CALU: variants seen among roughly 807,000 people sequenced by gnomAD.
The protein encoded by CALU is IEF SSP 9302.
CALU carries 13 observed loss-of-function variants against 37.5 expected under a neutral mutation model. That is an observed-to-expected ratio of 0.35 (90% CI 0.23 to 0.55). The LOEUF (loss-of-function observed/expected upper bound fraction) is 0.55, where lower values mean the gene tolerates loss of function less well. Ranked by LOEUF, CALU falls within the 20% of genes least tolerant of loss-of-function variation. The pLI is 0.89. For missense variants in CALU, 282 were observed against 391.7 expected, an observed-to-expected ratio of 0.72 and a Z score of 2.36; for synonymous variants, 114 against 133.8, an observed-to-expected ratio of 0.85 and a Z score of 1.02.
chr7:128,750,239 AAG>A (rs1563128712), intron 2 of CALU, among the ~76,000 whole-genome samples: 1 of 82,756 alleles, frequency 1.2e-5, no homozygotes, highest in African/African-American at 3.3e-5. Context: ...AAAAAAAAAA[AAG>A]AAAATAGAAA....
chr7:128,747,431 TGCCCCCCAACCCCC>T (rs1800489568), intron 1 of CALU: 1 of 152,360 alleles, frequency 6.6e-6, no homozygotes, highest in Admixed American at 6.5e-5. Flanking sequence ...TGGGAATGAC[TGCCCCCCAACCCCC>T]GCCCCCATTA....
chr7:128,748,845 A>T, intron 2 of CALU, 41 bp downstream of exon 2: 1 of 1,345,324 alleles, frequency 7.4e-7, no homozygotes, highest in African/African-American at 1.4e-5. Flanking sequence ...GGGTAATGAC[A>T]TTCTTTATAA....
chr7:128,767,679 C>T, intron 6 of CALU, 24 bp downstream of exon 6: 25 of 1,590,188 alleles, frequency 1.6e-5, no homozygotes, highest in Non-Finnish European at 2.1e-5. Flanking sequence ...GGCCCACACG[C>T]TCTATCCTTG....
At chr7:128,750,089 G>A (rs2046973) in intron 2 of CALU, among the ~76,000 whole-genome samples, 4 of 151,912 alleles carry the variant, frequency 2.6e-5, no homozygotes, top group Admixed American at 2.0e-4. Flanking sequence ...TTAGCCGGGC[G>A]TGGTGGCGCG....
In CALU at chr7:128,772,533, T is replaced by C; in HGVS notation, c.*3366T>C. 6.2e-7 allele frequency: 1 copy of C among 1,614,170 alleles called. No individual in the cohort carries two copies. Among genetic ancestry groups the C allele is most frequent in the Non-Finnish European group, 8.5e-7 (1 of 1,180,016 alleles). On this transcript the variant is annotated 3_prime_UTR_variant, in exon 7 of 7. Transcript: ENST00000249364. ...CTAGCTGTTGCAAACAGGCCAATAT[T>C]GGGTCCTCAGTTGGGGCCAACTTGG...
At chr7:128,750,252 T>C (rs1157399613) in intron 2 of CALU, among the ~76,000 whole-genome samples, 1 of 147,050 alleles carries the variant, frequency 6.8e-6, no homozygotes, top group Non-Finnish European at 1.5e-5. Context: ...AAAATAGAAA[T>C]GCAGAGGGTA....
intron 3 of CALU, 188 bp downstream of exon 3, chr7:128,754,643 A>G (rs1469371528): frequency 6.4e-7 from 1 of 1,552,270 alleles, no homozygotes; most frequent in Non-Finnish European, 8.7e-7. Flanking sequence ...TTGAAAACCA[A>G]TGGCAGGAGT....
Position 128,771,635 on chromosome 7 carries a change from G to C in CALU, c.*2468G>C, listed in dbSNP as rs1436026750. The C allele has an allele frequency of 6.6e-6, 1 of 152,164 alleles. No individual in the cohort carries two copies. Among genetic ancestry groups the C allele is most frequent in the African/African-American group, 2.4e-5 (1 of 41,368 alleles). The allele number at this position is 152,164 out of a possible 1,614,324, so 9.4% of individuals were successfully genotyped here. ...GATTATTCTTTTCTCCCTGTTTTCT[G>C]GTATTTTCTAGCATCCTTCTCACCA... On this transcript the variant is annotated 3_prime_UTR_variant, in exon 7 of 7. Transcript: ENST00000249364.
intron 4 of CALU, among the ~76,000 whole-genome samples, chr7:128,759,457 C>T (rs1236221248): frequency 3.9e-5 from 6 of 152,152 alleles, no homozygotes; most frequent in East Asian, 1.9e-4. Flanking sequence ...AATCACTGGT[C>T]ACATCTCCTG....
chr7:128,755,120 C>T (rs1800822873), intron 3 of CALU, among the ~76,000 whole-genome samples: 1 of 138,534 alleles, frequency 7.2e-6, no homozygotes. Flanking sequence ...ATCTGGGCAA[C>T]ATAGGGACAC....
chr7:128,743,493 G>T (rs1800315579), intron 1 of CALU, among the ~76,000 whole-genome samples: 1 of 151,452 alleles, frequency 6.6e-6, no homozygotes, highest in Non-Finnish European at 1.5e-5. Flanking sequence ...TTTACTTTTT[G>T]GACAAAAGTA....
At position 128,772,460 on chromosome 7, in the gene CALU, G is replaced by T; in HGVS notation, c.*3293G>T. 6.5e-7 allele frequency: 1 copy of T among 1,543,760 alleles called. No homozygotes were observed. The highest frequency in any genetic ancestry group is 8.9e-7 in the Non-Finnish European group (1 of 1,119,974). ...ATCTTTTTTGTGTTTTTAGTAGTTT[G>T]GTTTCTGACGGAGACAATAGAAACT... On this transcript the variant is annotated 3_prime_UTR_variant, in exon 7 of 7. Coordinates refer to ENST00000249364, the MANE Select transcript of CALU (RefSeq NM_001219.5).
chr7:128,754,670 C>T (rs563892606), intron 3 of CALU: 70 of 1,552,058 alleles, frequency 4.5e-5, no homozygotes, highest in Non-Finnish European at 5.7e-5. Context: ...TGAATCAAGA[C>T]GGCTTAATCT....
rs1800292426 is a variant in CALU at position 128,742,866 on chromosome 7, A to G, written c.-12+3434A>G. Reference sequence around the variant, plus strand: ...TTATTGGTGACATACTAATACTACAAAAGGATGATAGCTACTGGATATATT... The same window carrying G: ...TTATTGGTGACATACTAATACTACAGAAGGATGATAGCTACTGGATATATT... On this transcript the variant is annotated intron_variant, in intron 1 of 6. Transcript: ENST00000249364. Among the ~76,000 whole-genome samples, 3 of 152,300 alleles carry G rather than the reference A, an allele frequency of 2.0e-5. No homozygotes were observed. The South Asian group carries it at 6.2e-4, about 32-fold the overall frequency.
At chr7:128,756,439 C>A (rs1296532729) in intron 3 of CALU, among the ~76,000 whole-genome samples, 1 of 152,116 alleles carries the variant, frequency 6.6e-6, no homozygotes. Flanking sequence ...GGCATCTTTC[C>A]CCAGAGGCAT....
At position 128,769,162 on chromosome 7, in the gene CALU, T is replaced by A; in HGVS notation, c.943T>A (p.Phe315Ile). ...GGAGGCCTTAGTACGGCATGATGAG[T>A]TCTGAGCTACGGAGGAACCCTCATT... is the stretch of plus-strand genomic sequence containing the variant. ...FGEALVRHDE[F>I] Residue 315 changes from phenylalanine (F) to isoleucine (I), a missense_variant, in exon 7 of 7, where the codon TTC becomes ATC. By Grantham distance (21) the Phe-to-Ile change is conservative. Transcript: ENST00000249364. The A allele has an allele frequency of 6.4e-7, 1 of 1,552,912 alleles. No individual in the cohort carries two copies. Among genetic ancestry groups the A allele is most frequent in the Non-Finnish European group, 8.9e-7 (1 of 1,127,208 alleles).
In CALU at chr7:128,770,206, A is replaced by G. The variant is rs188295181; in HGVS notation, c.*1039A>G. The G allele has an allele frequency of 6.5e-6, 1 of 152,760 alleles. No individual in the cohort carries two copies. Among genetic ancestry groups the G allele is most frequent in the African/African-American group, 2.4e-5 (1 of 41,562 alleles). 9.5% of individuals were successfully genotyped at this position (152,760 alleles called of 1,614,324 possible). A position where few individuals can be genotyped will look rare whatever the true frequency, so the allele number is the denominator to read the frequency against. ...TCTCTTAAGAAACCCTGAGATTAAAAAAAGACTATTTGGATAACTTATAGG... is the reference window on the plus strand; with the variant it reads ...TCTCTTAAGAAACCCTGAGATTAAAGAAAGACTATTTGGATAACTTATAGG... On this transcript the variant is annotated 3_prime_UTR_variant, in exon 7 of 7. Transcript: ENST00000249364.
chr7:128,757,826 T>C (rs1258192559), intron 3 of CALU, among the ~76,000 whole-genome samples: 1 of 152,166 alleles, frequency 6.6e-6, no homozygotes, highest in Non-Finnish European at 1.5e-5. Context: ...TATATTCTTA[T>C]ATAGAGACTA....
At chr7:128,747,038 G>GAT (rs1359662034) in intron 1 of CALU, among the ~76,000 whole-genome samples, 1 of 152,162 alleles carries the variant, frequency 6.6e-6, no homozygotes. Context: ...AGTGTGCTGG[G>GAT]ATTACAAGCA....
Sources: allele counts gnomAD v4.1 joint callset (sites outside exome capture counted in the v4.1 genomes callset), GRCh38; gene constraint gnomAD v4.1.1; transcripts MANE v1.5; gene names NCBI Gene and HGNC (gene_info 2026-07-23, HGNC 2026-07-21).